INVS: variants seen among roughly 807,000 people sequenced by gnomAD.
The protein encoded by INVS is inversion of embryo turning homolog.
INVS carries 86 observed loss-of-function variants against 108.8 expected under a neutral mutation model. The ratio of observed to expected loss-of-function variants is 0.79; its 90% CI spans 0.66 to 0.95. The LOEUF (loss-of-function observed/expected upper bound fraction) is 0.95. Ranked by LOEUF, INVS falls within the 40% of genes least tolerant of loss-of-function variation. The probability of loss-of-function intolerance (pLI) is 0.00; values close to 1 mark genes in which losing one functional copy is unlikely to be tolerated. For missense variants in INVS, 1,169 were observed against 1,297.4 expected, an observed-to-expected ratio of 0.90 and a Z score of 1.52; for synonymous variants, 455 against 473.5, an observed-to-expected ratio of 0.96 and a Z score of 0.51.
intron 3 of INVS, among the ~76,000 whole-genome samples, chr9:100,173,741 A>G (rs779720504): frequency 6.6e-6 from 1 of 152,148 alleles, no homozygotes; most frequent in Non-Finnish European, 1.5e-5. Context: ...AAAAGAAGAA[A>G]AATGAAAAAC....
At chr9:100,292,197 T>C (rs530803021) in intron 13 of INVS, 129 bp from the exon 14 acceptor site, 36 of 869,160 alleles carry the variant, frequency 4.1e-5, no homozygotes, top group Admixed American at 9.7e-5. Flanking sequence ...AAACCGTTTT[T>C]TTCCTAGTCT....
intron 10 of INVS, among the ~76,000 whole-genome samples, chr9:100,253,410 A>G (rs1185917088): frequency 3.5e-5 from 4 of 114,542 alleles, no homozygotes; most frequent in Admixed American, 3.2e-4. Flanking sequence ...TAAATATATG[A>G]TTTTCTTTTT....
chr9:100,102,453 C>T (rs1475553601), intron 1 of INVS: 1 of 152,106 alleles, frequency 6.6e-6, no homozygotes, highest in Admixed American at 6.5e-5. Flanking sequence ...TGGTTAAGAC[C>T]TCTATCTAGG....
Position 100,229,661 on chromosome 9 carries a change from A to G in INVS, c.449A>G (p.Gln150Arg). 2 of 1,614,010 alleles carry G rather than the reference A, an allele frequency of 1.2e-6. No individual in the cohort carries two copies. Among genetic ancestry groups the G allele is most frequent in the Non-Finnish European group, 1.7e-6 (2 of 1,179,924 alleles). The change falls in exon 5 of 17, where the codon CAA (glutamine) becomes CGA (arginine). Residue 150 changes from glutamine to arginine, a missense_variant and splice_region_variant. By Grantham distance (43) the Gln-to-Arg change is conservative (BLOSUM62 1). This residue lies in a region of INVS where 365 missense variants were observed against 397.5 expected (regional missense o/e 0.92). Transcript: ENST00000262457. ...TTCGAGAACCTCTCGATTTTGCAGC[A>G]AACAGCTCTGCATTGGAGTGCCTAC... is the stretch of plus-strand genomic sequence containing the variant. ...GEVDTQDKNK[Q>R]TALHWSAYYN...
chr9:100,248,456 C>T (rs1235859539), intron 8 of INVS, among the ~76,000 whole-genome samples: 1 of 151,028 alleles, frequency 6.6e-6, no homozygotes, highest in Non-Finnish European at 1.5e-5. Context: ...AGTTCCTCTC[C>T]GTCATCCCTC....
In INVS at chr9:100,275,494, A is replaced by G. The variant is rs557927639; in HGVS notation, c.1784+2418A>G. Among the ~76,000 whole-genome samples, 98 of 152,298 alleles carry G rather than the reference A, an allele frequency of 6.4e-4. 1 individual carries two copies. The highest frequency in any genetic ancestry group is 1.1e-3 in the Non-Finnish European group (78 of 68,022). On this transcript the variant is annotated intron_variant, in intron 12 of 16. Transcript: ENST00000262457. ...TGGAGAAACTGATTTCATTTGTTCTATTTCTCAAAAGTTATTTCTTAAAAT... is the reference window on the plus strand; with the variant it reads ...TGGAGAAACTGATTTCATTTGTTCTGTTTCTCAAAAGTTATTTCTTAAAAT...
At chr9:100,267,166 C>T (rs1832822847) in intron 11 of INVS, among the ~76,000 whole-genome samples, 1 of 151,960 alleles carries the variant, frequency 6.6e-6, no homozygotes, top group South Asian at 2.1e-4. Context: ...TTTTTTAACT[C>T]AATTTCCATT....
intron 3 of INVS, among the ~76,000 whole-genome samples, chr9:100,201,077 T>C (rs967931758): frequency 6.6e-6 from 1 of 152,210 alleles, no homozygotes; most frequent in African/African-American, 2.4e-5. Flanking sequence ...AAAAAGACCA[T>C]AAGTCCAAAT....
intron 11 of INVS, among the ~76,000 whole-genome samples, chr9:100,266,135 T>G (rs770823007): frequency 2.0e-5 from 3 of 152,228 alleles, no homozygotes; most frequent in Middle Eastern, 3.4e-3. Flanking sequence ...CTTGGTGGTG[T>G]TAGATCTAGG....
intron 14 of INVS, 59 bp downstream of exon 14, chr9:100,293,102 A>G: frequency 6.7e-7 from 1 of 1,486,134 alleles, no homozygotes. Context: ...TCTCAACATG[A>G]CATCTGTGCT....
At chr9:100,181,651 A>G (rs1367212674) in intron 3 of INVS, among the ~76,000 whole-genome samples, 1 of 152,164 alleles carries the variant, frequency 6.6e-6, no homozygotes, top group Admixed American at 6.6e-5. Context: ...CCATACTCAT[A>G]GATAGGAAGA....
At chr9:100,198,632 C>G (rs560817178) in intron 3 of INVS, among the ~76,000 whole-genome samples, 1 of 149,084 alleles carries the variant, frequency 6.7e-6, no homozygotes, top group Non-Finnish European at 1.5e-5. Context: ...CTTGCTCTGT[C>G]GCCAGGCTGG....
At chr9:100,246,378 G>C (rs11999920) in intron 7 of INVS, among the ~76,000 whole-genome samples, 1 of 152,140 alleles carries the variant, frequency 6.6e-6, no homozygotes, top group Non-Finnish European at 1.5e-5. Flanking sequence ...TTGAATGGGA[G>C]AGTTAGGTTA....
chr9:100,123,897 C>T (rs1827800443), intron 2 of INVS, among the ~76,000 whole-genome samples: 1 of 152,222 alleles, frequency 6.6e-6, no homozygotes, highest in Admixed American at 6.5e-5. Context: ...CCTCCACCTC[C>T]TGGGTTTAAG....
At chr9:100,144,281 T>C (rs1828532437) in intron 3 of INVS, among the ~76,000 whole-genome samples, 1 of 152,184 alleles carries the variant, frequency 6.6e-6, no homozygotes, top group Admixed American at 6.5e-5. Flanking sequence ...GAATTGCAAC[T>C]TTTTTCTATT....
At chr9:100,247,160 T>C (rs1310964325) in intron 8 of INVS, among the ~76,000 whole-genome samples, 2 of 152,144 alleles carry the variant, frequency 1.3e-5, no homozygotes, top group East Asian at 1.9e-4. Flanking sequence ...ATTTAGAATT[T>C]TATTTAAGGA....
chr9:100,163,444 T>C (rs549203483), intron 3 of INVS, among the ~76,000 whole-genome samples: 1 of 152,268 alleles, frequency 6.6e-6, no homozygotes, highest in African/African-American at 2.4e-5. Flanking sequence ...CTACTAATCA[T>C]AAGGTACTGC....
intron 3 of INVS, chr9:100,175,515 C>T (rs1211414774): frequency 1.2e-5 from 9 of 755,118 alleles, no homozygotes; most frequent in Non-Finnish European, 2.2e-5. Flanking sequence ...CCAGCAGATG[C>T]AAGAACTTTA....
intron 3 of INVS, among the ~76,000 whole-genome samples, chr9:100,199,433 C>G (rs2118220345): frequency 6.6e-6 from 1 of 152,186 alleles, no homozygotes; most frequent in Non-Finnish European, 1.5e-5. Context: ...TTTGAGCCAT[C>G]TGTTATTGCT....
Sources: gnomAD v4.1 joint callset for allele counts (sites outside exome capture counted in the v4.1 genomes callset) on GRCh38, gnomAD v4.1.1 for gene constraint, gnomAD v4.1.1 regional missense constraint, MANE v1.5 for transcripts, NCBI Gene and HGNC (gene_info 2026-07-23, HGNC 2026-07-21) for gene names.